The following CARS2 variants were observed in gnomAD, a reference collection of about 807,000 sequenced individuals.
The protein encoded by CARS2 is probable cysteine--tRNA ligase, mitochondrial.
CARS2 carries 52 observed loss-of-function variants against 68.8 expected under a neutral mutation model. That is an observed-to-expected ratio of 0.76 (90% CI 0.61 to 0.95). The LOEUF is 0.95. Among genes scored for constraint, CARS2 ranks in the 40% least tolerant of loss-of-function variants. The pLI is 0.00. For synonymous variants in CARS2, 314 were observed against 303.6 expected (o/e 1.03, Z -0.36); for missense variants, 780 against 754.2 (o/e 1.03, Z -0.40).
At chr13:110,712,530 A>AGGTG (rs2064041137) in intron 1 of CARS2, 1 of 238,794 alleles carries the variant, frequency 4.2e-6, no homozygotes, top group Non-Finnish European at 8.4e-6. Flanking sequence ...TTTGGCCGGA[A>AGGTG]GGGGGGGGGC....
chr13:110,645,844 A>C, intron 12 of CARS2, 123 bp downstream of exon 12: 4 of 1,272,336 alleles, frequency 3.1e-6, no homozygotes, highest in Non-Finnish European at 4.3e-6. Flanking sequence ...GAGTTCCTCC[A>C]CAGAAGCTGC....
chr13:110,671,170 C>T (rs1232818329), intron 7 of CARS2, among the ~76,000 whole-genome samples: 1 of 152,298 alleles, frequency 6.6e-6, no homozygotes, highest in African/African-American at 2.4e-5. Context: ...ACTTCCCCAA[C>T]CTGACAAGGC....
At chr13:110,709,082 C>CTT (rs113546139), upstream of CARS2, among the ~76,000 whole-genome samples, 1 of 134,516 alleles carries the variant, frequency 7.4e-6, no homozygotes. Context: ...TCTCTTTTTT[C>CTT]TTTTTTTTTT....
At chr13:110,644,650 A>G (rs1191866453) in intron 12 of CARS2, 167 bp from the exon 13 acceptor site, 5 of 1,195,188 alleles carry the variant, frequency 4.2e-6, no homozygotes, top group African/African-American at 3.1e-5. Flanking sequence ...ACCTCACTGC[A>G]GACCATACAA....
chr13:110,713,501 G>A lies in CARS2; in HGVS notation n.35C>T, dbSNP rs1285320318. On this transcript the variant is annotated non_coding_transcript_exon_variant, in exon 1 of 3. Coordinates refer to the CARS2 transcript ENST00000485188. ...GCGGCCCTGACGCTGTCCCCTCCGC[G>A]ACCCTCGCCTCTGGAAAAAGTGACA... The A allele has an allele frequency of 3.0e-6, 3 of 986,798 alleles. No individual in the cohort carries two copies. In the African/African-American group the frequency reaches 5.2e-5, roughly 17 times the overall value. The allele number at this position is 986,798 out of a possible 1,614,324, so 61.1% of individuals were successfully genotyped here.
At chr13:110,675,447 C>A (rs1327492906) in intron 7 of CARS2, among the ~76,000 whole-genome samples, 1 of 152,128 alleles carries the variant, frequency 6.6e-6, no homozygotes, top group Non-Finnish European at 1.5e-5. Context: ...TCTGAGCAAA[C>A]TATCACAAGG....
intron 9 of CARS2, among the ~76,000 whole-genome samples, chr13:110,652,915 T>C (rs1020016516): frequency 3.9e-5 from 6 of 152,106 alleles, no homozygotes; most frequent in African/African-American, 1.4e-4. Context: ...CAAACGCATC[T>C]GGAAGCACAG....
intron 3 of CARS2, among the ~76,000 whole-genome samples, chr13:110,690,101 G>A (rs181422409): frequency 4.5e-4 from 69 of 152,218 alleles, no homozygotes; most frequent in South Asian, 2.3e-3. Context: ...GGTGGCAGGC[G>A]CCTGTAATCC....
chr13:110,676,057 G>A lies in CARS2; in HGVS notation c.785+917C>T, dbSNP rs139519151. On this transcript the variant is annotated intron_variant, in intron 7 of 14. Transcript: ENST00000257347. The surrounding 1 kb of genome is among the most constrained non-coding windows in gnomAD (Gnocchi z 4.0). ...TAATCCCAGCTACTCAGGAGGATGA[G>A]GCAGGAGAATCGCTTGAACCTGGGA... is the stretch of plus-strand genomic sequence containing the variant. Among the ~76,000 whole-genome samples the A allele has an allele frequency of 3.9e-3, 598 of 152,348 alleles. 4 individuals are homozygous for A. The highest frequency in any genetic ancestry group is 0.014 in the African/African-American group (570 of 41,568).
rs148099447 is a variant in CARS2, at chr13:110,645,118, G to T, written c.1318-635C>A. 3.8e-3 allele frequency: 574 copies of T among 152,996 alleles called. 4 individuals are homozygous for T. Among genetic ancestry groups the T allele is most frequent in the Non-Finnish European group, 5.9e-3 (407 of 68,540 alleles). 9.5% of individuals were successfully genotyped at this position (152,996 alleles called of 1,614,324 possible). A position where few individuals can be genotyped will look rare whatever the true frequency, so the allele number is the denominator to read the frequency against. On this transcript the variant is annotated intron_variant, in intron 12 of 14. Coordinates refer to ENST00000257347, the MANE Select transcript of CARS2 (RefSeq NM_024537.4). ...CTGGCTGCGGGACCTGCCCCAGCCC[G>T]GCCTGGCTGCCTTCAGTGCGGGGCA...
intron 14 of CARS2, 75 bp from the exon 15 acceptor site, chr13:110,641,683 A>G (rs1177009176): frequency 6.6e-6 from 8 of 1,220,702 alleles, no homozygotes; most frequent in Middle Eastern, 2.6e-4. Context: ...AGGCGTAATC[A>G]GGTTCAGGGT....
At position 110,705,708 on chromosome 13, in the gene CARS2, A is replaced by G. The variant is rs1411126190; in HGVS notation, c.225-137T>C. 1.3e-6 allele frequency: 2 copies of G among 1,523,324 alleles called. No homozygotes were observed. The highest frequency in any genetic ancestry group is 2.4e-5 in the East Asian group (1 of 40,834). 94.4% of individuals were successfully genotyped at this position (1,523,324 alleles called of 1,614,324 possible). On this transcript the variant is annotated intron_variant, in intron 1 of 14. Transcript: ENST00000257347. This position sits in a 1 kb window ranked among gnomAD's most constrained non-coding sequence, Gnocchi z 4.0. ...TAGCCGGGGTTTTCATACTTGCTCA[A>G]TTCACACCCAAACCTGCAAAAGCAC... is the stretch of plus-strand genomic sequence containing the variant.
chr13:110,662,078 C>T (rs922157308), intron 9 of CARS2, among the ~76,000 whole-genome samples: 1 of 152,252 alleles, frequency 6.6e-6, no homozygotes, highest in East Asian at 1.9e-4. Flanking sequence ...GCAGGGCTGC[C>T]ACAAACCTTC....
intron 1 of CARS2, chr13:110,713,008 C>G: frequency 1.3e-6 from 2 of 1,532,838 alleles, no homozygotes; most frequent in Non-Finnish European, 1.8e-6. Context: ...GCGGCCGCAG[C>G]TCAAAGGACA....
At chr13:110,642,166 C>T (rs1218137579) in intron 14 of CARS2, 149 bp downstream of exon 14, 2 of 662,884 alleles carry the variant, frequency 3.0e-6, no homozygotes, top group African/African-American at 1.8e-5. Context: ...GAGATCACGC[C>T]ATTGCACTCC....
At chr13:110,712,855 C>T (rs1309924509) in intron 1 of CARS2, 2 of 1,187,642 alleles carry the variant, frequency 1.7e-6, no homozygotes, top group African/African-American at 1.5e-5. Flanking sequence ...CTCTCAGGCC[C>T]CTTTGTCTCC....
At chr13:110,660,750 A>T (rs1386997320) in intron 9 of CARS2, among the ~76,000 whole-genome samples, 3 of 143,600 alleles carry the variant, frequency 2.1e-5, no homozygotes, top group Non-Finnish European at 3.0e-5. Flanking sequence ...GGGAGAGTAC[A>T]CTTAGCATAA....
chr13:110,681,823 G>A (rs1330074142), intron 6 of CARS2, among the ~76,000 whole-genome samples: 2 of 152,210 alleles, frequency 1.3e-5, no homozygotes, highest in Non-Finnish European at 2.9e-5. Context: ...GCCATTCTGA[G>A]AAGGGTGCAC....
At chr13:110,643,005 G>C (rs1887607861) in intron 13 of CARS2, 2 of 352,674 alleles carry the variant, frequency 5.7e-6, no homozygotes, top group South Asian at 2.1e-5. Context: ...ACTGAGAACA[G>C]ATCCTGGGGC....
Sources: gnomAD v4.1 joint callset for allele counts (sites outside exome capture counted in the v4.1 genomes callset) on GRCh38, gnomAD v4.1.1 for gene constraint, Gnocchi (gnomAD v3.1) non-coding constraint, MANE v1.5 for transcripts, NCBI Gene and HGNC (gene_info 2026-07-23, HGNC 2026-07-21) for gene names.